The following GRM5 variants were observed in gnomAD, a reference collection of about 807,000 sequenced individuals.
The protein encoded by GRM5 is glutamate metabotropic receptor 5.
In GRM5, 19 loss-of-function variants were observed where a neutral mutation model predicts 83.1. That is an observed-to-expected ratio of 0.23 (90% CI 0.16 to 0.34). The LOEUF is 0.34. Among genes scored for constraint, GRM5 ranks in the 10% least tolerant of loss-of-function variants. The pLI, the probability that GRM5 is intolerant of heterozygous loss-of-function variation, is 1.00. For synonymous variants in GRM5, 675 were observed against 633.6 expected (o/e 1.07, Z -0.98); for missense variants, 1,160 against 1,588.3 (o/e 0.73, Z 4.58).
At chr11:88,752,692 C>T (rs1942304487) in intron 3 of GRM5, among the ~76,000 whole-genome samples, 1 of 152,188 alleles carries the variant, frequency 6.6e-6, no homozygotes, top group African/African-American at 2.4e-5. Context: ...TGCTACCTTA[C>T]CTGACTTCAA....
chr11:88,807,327 T>G (rs1414619718), intron 3 of GRM5, among the ~76,000 whole-genome samples: 1 of 152,150 alleles, frequency 6.6e-6, no homozygotes, highest in Non-Finnish European at 1.5e-5. Context: ...GTACCCTACC[T>G]ACAAACCTAT....
At chr11:88,829,381 A>C (rs1327356129) in intron 3 of GRM5, among the ~76,000 whole-genome samples, 1 of 152,114 alleles carries the variant, frequency 6.6e-6, no homozygotes, top group African/African-American at 2.4e-5. Flanking sequence ...GAATTGCTTG[A>C]ATCTGGGAGG....
chr11:88,738,846 C>T (rs535678295), intron 3 of GRM5, among the ~76,000 whole-genome samples: 2 of 152,152 alleles, frequency 1.3e-5, no homozygotes, highest in African/African-American at 2.4e-5. Context: ...TACAAATACC[C>T]AATGCTCCAG....
At chr11:88,514,387 C>T (rs1362347806) in intron 9 of GRM5, among the ~76,000 whole-genome samples, 1 of 151,958 alleles carries the variant, frequency 6.6e-6, no homozygotes, top group African/African-American at 2.4e-5. Flanking sequence ...TTTTCCCTTC[C>T]ATATCAGAAA....
chr11:88,811,458 G>GA (rs1943587270), intron 3 of GRM5, among the ~76,000 whole-genome samples: 2 of 152,066 alleles, frequency 1.3e-5, no homozygotes, highest in South Asian at 4.1e-4. Flanking sequence ...CTGTGCTGTA[G>GA]AAAAATTATG....
At chr11:88,682,864 T>A (rs1026925212) in intron 3 of GRM5, among the ~76,000 whole-genome samples, 1 of 152,124 alleles carries the variant, frequency 6.6e-6, no homozygotes, top group African/African-American at 2.4e-5. Flanking sequence ...CTTTCTTTTT[T>A]TCTTTGTATT....
In GRM5 at chr11:88,567,091, G is replaced by A. The variant is rs982286694; in HGVS notation, c.2592C>T (p.Asn864=). 6.2e-7 allele frequency: 1 copy of A among 1,613,718 alleles called. No homozygotes were observed. Among genetic ancestry groups the A allele is most frequent in the Non-Finnish European group, 8.5e-7 (1 of 1,179,760 alleles). Reference sequence around the variant, plus strand: ...CAGAGGAGCCCCTTCTCTTCCACAGGTTGACTAGGCTGCTGGATCTGCTGG... The same window carrying A: ...CAGAGGAGCCCCTTCTCTTCCACAGATTGACTAGGCTGCTGGATCTGCTGG... The part of the protein sequence containing the change: ...SAASRSSSLV[N]LWKRRGSSGE... Residue 864 remains asparagine, a synonymous_variant, in exon 8 of 10, where the codon AAC becomes AAT. Coordinates refer to ENST00000305447, the MANE Select transcript of GRM5 (RefSeq NM_001143831.3). The surrounding 1 kb of genome is among the most constrained non-coding windows in gnomAD (Gnocchi z 7.3).
intron 5 of GRM5, among the ~76,000 whole-genome samples, chr11:88,598,615 T>G (rs1937887267): frequency 6.6e-6 from 1 of 152,168 alleles, no homozygotes; most frequent in African/African-American, 2.4e-5. Flanking sequence ...TCCTTTGGCC[T>G]CTGTGCATGC....
intron 1 of GRM5, among the ~76,000 whole-genome samples, chr11:89,053,408 T>C (rs1293648262): frequency 1.3e-5 from 2 of 152,130 alleles, no homozygotes; most frequent in Non-Finnish European, 2.9e-5. Context: ...AAATAGAAAG[T>C]CATCTTACGT....
chr11:88,599,471 G>A (rs1291014507), intron 5 of GRM5, among the ~76,000 whole-genome samples: 1 of 152,076 alleles, frequency 6.6e-6, no homozygotes, highest in Non-Finnish European at 1.5e-5. Flanking sequence ...TCTTGTTTTA[G>A]TACACTAAAA....
intron 3 of GRM5, among the ~76,000 whole-genome samples, chr11:88,681,746 T>G (rs1940498212): frequency 6.6e-6 from 1 of 151,422 alleles, no homozygotes; most frequent in African/African-American, 2.4e-5. Context: ...AATTTTTGTA[T>G]TTTTAGTAGA....
intron 3 of GRM5, among the ~76,000 whole-genome samples, chr11:88,753,092 C>T (rs1942316650): frequency 6.6e-6 from 1 of 151,954 alleles, no homozygotes; most frequent in Non-Finnish European, 1.5e-5. Context: ...GCAACAAAAG[C>T]AAAAATTGAC....
Position 88,548,354 on chromosome 11 carries a change from C to T in GRM5, c.2630+18699G>A, listed in dbSNP as rs974761240. On this transcript the variant is annotated intron_variant, in intron 8 of 9. Transcript: ENST00000305447. ...AATAAAACTGCTTAGTTTACCTTAC[C>T]ATTCAGAGAATTTATAACAATTAAT... Among the ~76,000 whole-genome samples, 11 of 152,230 alleles carry T rather than the reference C, an allele frequency of 7.2e-5. No individual in the cohort carries two copies. In the South Asian group the frequency reaches 2.1e-3, roughly 29 times the overall value.
At position 88,967,229 on chromosome 11, in the gene GRM5, ATG is replaced by A. The variant is rs1438016158; in HGVS notation, c.661+79981_661+79982del. On this transcript the variant is annotated intron_variant, in intron 2 of 9. Coordinates refer to ENST00000305447, the MANE Select transcript of GRM5 (RefSeq NM_001143831.3). ...TGTGTGTGTGTATATATGTGTGTGT[ATG>A]TATATATATATATACACATATATAT... Among the ~76,000 whole-genome samples the A allele has an allele frequency of 8.3e-4, 115 of 137,950 alleles. 3 individuals carry two copies. Among genetic ancestry groups the A allele is most frequent in the Middle Eastern group, 3.8e-3 (1 of 264 alleles). The allele number at this position is 137,950 out of a possible 152,430, so 90.5% of individuals were successfully genotyped here. A position where few individuals can be genotyped will look rare whatever the true frequency, so the allele number is the denominator to read the frequency against.
In GRM5 at chr11:89,004,298, C is replaced by A. The variant is rs138217048; in HGVS notation, c.661+42914G>T. ...ATTTCATTCAAGTTTAAATTGTTTG[C>A]TGTATGATTTTATTGGGGGTAGATT... On this transcript the variant is annotated intron_variant, in intron 2 of 9. Coordinates refer to ENST00000305447, the MANE Select transcript of GRM5 (RefSeq NM_001143831.3). Among the ~76,000 whole-genome samples, 742 of 152,198 alleles carry A rather than the reference C, an allele frequency of 4.9e-3. 5 individuals are homozygous for A. The highest frequency in any genetic ancestry group is 0.017 in the East Asian group (88 of 5,184).
chr11:88,610,419 G>C (rs139840355), intron 4 of GRM5, among the ~76,000 whole-genome samples: 288 of 152,184 alleles, frequency 1.9e-3, no homozygotes, highest in Middle Eastern at 3.4e-3. Flanking sequence ...AATTCTTACA[G>C]AGATTTTTCA....
At chr11:88,649,320 T>C (rs1939564941) in intron 4 of GRM5, among the ~76,000 whole-genome samples, 1 of 140,444 alleles carries the variant, frequency 7.1e-6, no homozygotes, top group Admixed American at 7.5e-5. Context: ...ATATTACATA[T>C]ATATGTAATA....
intron 3 of GRM5, among the ~76,000 whole-genome samples, chr11:88,813,157 G>A (rs1943614626): frequency 1.3e-5 from 2 of 152,112 alleles, no homozygotes; most frequent in Admixed American, 1.3e-4. Flanking sequence ...TCTTGCAAAA[G>A]AAACTGCTGA....
chr11:89,052,708 G>A (rs1467559497), intron 1 of GRM5, among the ~76,000 whole-genome samples: 1 of 152,148 alleles, frequency 6.6e-6, no homozygotes, highest in Non-Finnish European at 1.5e-5. Context: ...TTTTGGAATA[G>A]TTACATTACA....
Sources: allele counts gnomAD v4.1 joint callset (sites outside exome capture counted in the v4.1 genomes callset), GRCh38; gene constraint gnomAD v4.1.1; non-coding constraint Gnocchi (gnomAD v3.1); transcripts MANE v1.5; gene names NCBI Gene and HGNC (gene_info 2026-07-23, HGNC 2026-07-21).